RSPO2: variants seen among roughly 807,000 people sequenced by gnomAD.
RSPO2 encodes the protein R-spondin 2, also known as R-spondin-2.
RSPO2 carries 14 observed loss-of-function variants against 30.9 expected under a neutral mutation model. The ratio of observed to expected loss-of-function variants is 0.45; its 90% CI spans 0.30 to 0.71. The LOEUF (loss-of-function observed/expected upper bound fraction) is 0.71. Among genes scored for constraint, RSPO2 ranks in the 30% least tolerant of loss-of-function variants. RSPO2 has a pLI of 0.08. For synonymous variants in RSPO2, 107 were observed against 96.4 expected (o/e 1.11, Z -0.64); for missense variants, 264 against 301.9 (o/e 0.87, Z 0.93).
intron 5 of RSPO2, among the ~76,000 whole-genome samples, chr8:107,907,091 C>A (rs1425698857): frequency 3.3e-5 from 5 of 151,512 alleles, no homozygotes; most frequent in African/African-American, 9.7e-5. Context: ...TGTAAATGGG[C>A]ATATTTTAAT....
chr8:108,055,883 G>A (rs1158738262), intron 2 of RSPO2, among the ~76,000 whole-genome samples: 1 of 152,126 alleles, frequency 6.6e-6, no homozygotes, highest in Non-Finnish European at 1.5e-5. Flanking sequence ...ACAACTGGCA[G>A]TGAGATTGAC....
intron 3 of RSPO2, among the ~76,000 whole-genome samples, chr8:107,973,508 A>G (rs1245094660): frequency 1.1e-5 from 1 of 88,640 alleles, no homozygotes; most frequent in Non-Finnish European, 2.2e-5. Context: ...AGTGATACAC[A>G]CACAGACACA....
intron 3 of RSPO2, among the ~76,000 whole-genome samples, chr8:107,986,785 G>A (rs1814654534): frequency 1.3e-5 from 2 of 152,080 alleles, no homozygotes; most frequent in South Asian, 4.1e-4. Flanking sequence ...TAATAGTCTG[G>A]AATGAAACAC....
intron 2 of RSPO2, among the ~76,000 whole-genome samples, chr8:108,026,865 CA>C (rs60724636): frequency 5.5e-5 from 8 of 146,486 alleles, no homozygotes; most frequent in Non-Finnish European, 4.5e-5. Context: ...GACTCCATCT[CA>C]AAAAAAAAAT....
intron 2 of RSPO2, among the ~76,000 whole-genome samples, chr8:108,069,463 C>T (rs1414971112): frequency 1.3e-5 from 2 of 152,312 alleles, no homozygotes; most frequent in African/African-American, 4.8e-5. Context: ...CTGCCCGCCT[C>T]GGCCTCCCAC....
At position 107,973,227 on chromosome 8, in the gene RSPO2, G is replaced by A. The variant is rs532620657; in HGVS notation, c.284-12410C>T. 1.7e-4 allele frequency among the ~76,000 whole-genome samples: 26 copies of A among 150,724 alleles called. No homozygotes were observed. In the South Asian group the frequency reaches 4.9e-3, roughly 29 times the overall value. On this transcript the variant is annotated intron_variant, in intron 3 of 5. Transcript: ENST00000276659. ...AGAGTTTGCAGTGAGCCGAGATCAC[G>A]CCACTGCACTCCAGCCTCAGCAACA...
intron 2 of RSPO2, among the ~76,000 whole-genome samples, chr8:108,063,217 A>C (rs536326119): frequency 6.6e-6 from 1 of 151,918 alleles, no homozygotes; most frequent in South Asian, 2.1e-4. Flanking sequence ...AAGGGCATTC[A>C]ACTAGGAAAA....
chr8:107,934,167 T>A (rs746627026), intron 5 of RSPO2, among the ~76,000 whole-genome samples: 15 of 152,172 alleles, frequency 9.9e-5, no homozygotes, highest in Non-Finnish European at 1.9e-4. Flanking sequence ...GGTAGCATAA[T>A]AACAAACACA....
intron 3 of RSPO2, among the ~76,000 whole-genome samples, chr8:107,965,639 GT>G (rs1360104842): frequency 2.2e-3 from 325 of 147,022 alleles, no homozygotes; most frequent in African/African-American, 5.5e-3. Context: ...TGCCATTCAA[GT>G]TTTTTTTTTT....
chr8:108,067,645 A>G (rs1812711517), intron 2 of RSPO2, among the ~76,000 whole-genome samples: 1 of 152,244 alleles, frequency 6.6e-6, no homozygotes, highest in Non-Finnish European at 1.5e-5. Context: ...GCCCCTTGGC[A>G]GTGCCAGCAT....
chr8:107,946,125 C>T (rs1471819968), intron 5 of RSPO2, among the ~76,000 whole-genome samples: 1 of 152,218 alleles, frequency 6.6e-6, no homozygotes, highest in Admixed American at 6.5e-5. Context: ...TTAAAGAACT[C>T]ACACTTTGTG....
At chr8:108,017,121 A>T (rs994604232) in intron 2 of RSPO2, among the ~76,000 whole-genome samples, 1 of 150,624 alleles carries the variant, frequency 6.6e-6, no homozygotes, top group Non-Finnish European at 1.5e-5. Context: ...GGTTCACACC[A>T]TTCTCCTGCC....
At chr8:108,065,353 CCA>C (rs1231783768) in intron 2 of RSPO2, among the ~76,000 whole-genome samples, 1 of 151,202 alleles carries the variant, frequency 6.6e-6, no homozygotes, top group Non-Finnish European at 1.5e-5. Context: ...GCACACACCT[CCA>C]GTGTTGTCTT....
chr8:107,923,987 G>C (rs1174422279), intron 5 of RSPO2, among the ~76,000 whole-genome samples: 1 of 151,298 alleles, frequency 6.6e-6, no homozygotes, highest in African/African-American at 2.4e-5. Flanking sequence ...ATAACTAATG[G>C]GTACTAGGCT....
intron 3 of RSPO2, among the ~76,000 whole-genome samples, chr8:107,965,455 A>C (rs559077870): frequency 6.6e-6 from 1 of 152,140 alleles, no homozygotes; most frequent in Admixed American, 6.5e-5. Context: ...CATTCTCAAC[A>C]TTCTCCAGGA....
chr8:107,960,004 T>C (rs1406208876), intron 4 of RSPO2, among the ~76,000 whole-genome samples: 6 of 152,180 alleles, frequency 3.9e-5, no homozygotes, highest in African/African-American at 1.4e-4. Flanking sequence ...TGACAATACA[T>C]CCATGATTAG....
rs550659011 is a variant in RSPO2 at position 108,069,491 on chromosome 8, T to G, written c.94+13054A>C. Among the ~76,000 whole-genome samples the G allele has an allele frequency of 3.3e-5, 5 of 152,292 alleles. No individual in the cohort carries two copies. The South Asian group carries it at 1.0e-3, about 32-fold the overall frequency. ...CCTCCCACAGTGCTGGGATTACAGG[T>G]GTGAGCCACTACGCCCGGCAAGTTC... On this transcript the variant is annotated intron_variant, in intron 2 of 5. Coordinates refer to ENST00000276659, the MANE Select transcript of RSPO2 (RefSeq NM_178565.5).
At position 108,003,790 on chromosome 8, in the gene RSPO2, A is replaced by G. The variant is rs138635848; in HGVS notation, c.95-14546T>C. ...AATTTTCATTTATCAAAGTGAATAA[A>G]CAGATCAGAGAGTTTTAAAAAATCT... On this transcript the variant is annotated intron_variant, in intron 2 of 5. Coordinates refer to ENST00000276659, the MANE Select transcript of RSPO2 (RefSeq NM_178565.5). Among the ~76,000 whole-genome samples the G allele has an allele frequency of 3.7e-4, 57 of 152,304 alleles. 1 individual carries two copies. The East Asian group carries it at 0.01, about 28-fold the overall frequency.
chr8:107,960,633 AT>A (rs1409303524), intron 4 of RSPO2, 40 bp downstream of exon 4: 11 of 1,584,022 alleles, frequency 6.9e-6, no homozygotes, highest in Non-Finnish European at 9.5e-6. Flanking sequence ...AAGTGCTAAA[AT>A]AAAAGTTGCA....
Sources: gnomAD v4.1 joint callset for allele counts (sites outside exome capture counted in the v4.1 genomes callset) on GRCh38, gnomAD v4.1.1 for gene constraint, MANE v1.5 for transcripts, NCBI Gene and HGNC (gene_info 2026-07-23, HGNC 2026-07-21) for gene names.